Variants in TRAPPC6B observed in about 807,000 individuals in gnomAD.
The protein encoded by TRAPPC6B is TRAPP complex subunit 6B.
Under a neutral mutation model 24.7 loss-of-function variants are expected in TRAPPC6B, and 27 were observed. The observed-to-expected ratio is 1.09, with a 90% CI of 0.81 to 1.51. The LOEUF (loss-of-function observed/expected upper bound fraction) is 1.51, where lower values mean the gene tolerates loss of function less well. TRAPPC6B is among the 40% of genes most tolerant of loss of function. TRAPPC6B has a pLI of 0.00. For missense variants in TRAPPC6B, 212 were observed against 190.8 expected, an observed-to-expected ratio of 1.11 and a Z score of -0.66; for synonymous variants, 80 against 66.6, an observed-to-expected ratio of 1.20 and a Z score of -0.98.
At chr14:39,165,258 G>A (rs2053096741) in intron 1 of TRAPPC6B, among the ~76,000 whole-genome samples, 1 of 152,028 alleles carries the variant, frequency 6.6e-6, no homozygotes, top group Admixed American at 6.5e-5. Flanking sequence ...TGTTAGCCAG[G>A]ACGGTCTCGA....
At chr14:39,155,117 A>AG (rs1183977949) in intron 3 of TRAPPC6B, among the ~76,000 whole-genome samples, 1 of 152,000 alleles carries the variant, frequency 6.6e-6, no homozygotes, top group East Asian at 1.9e-4. Flanking sequence ...TTTTGTAGAA[A>AG]GGGGGTCTCC....
At chr14:39,166,610 G>A (rs759337177) in intron 1 of TRAPPC6B, among the ~76,000 whole-genome samples, 1 of 151,920 alleles carries the variant, frequency 6.6e-6, no homozygotes, top group Non-Finnish European at 1.5e-5. Flanking sequence ...AGACTATAAG[G>A]TTAGGCTTAT....
At chr14:39,152,564 A>C (rs913520495) in intron 4 of TRAPPC6B, among the ~76,000 whole-genome samples, 1 of 152,164 alleles carries the variant, frequency 6.6e-6, no homozygotes, top group Non-Finnish European at 1.5e-5. Context: ...AATATAAAAT[A>C]TTATCTTATA....
In TRAPPC6B at chr14:39,159,482, CCTTT is replaced by C; in HGVS notation, c.146_149del (p.Glu49GlyfsTer13). 6.3e-7 allele frequency: 1 copy of C among 1,586,948 alleles called. No individual in the cohort carries two copies. The highest frequency in any genetic ancestry group is 8.6e-7 in the Non-Finnish European group (1 of 1,165,888). ...AAAATTTTCAAATCCAACCTGCTCA[CCTTT>C]CTATCAATCCTTGTCCCACTCGAAA... On this transcript the variant is annotated frameshift_variant and splice_region_variant, in exon 2 of 6. Coordinates refer to ENST00000330149, the MANE Select transcript of TRAPPC6B (RefSeq NM_001079537.2). LOFTEE classifies it high-confidence loss of function.
chr14:39,158,669 A>G, intron 2 of TRAPPC6B: 1 of 322,084 alleles, frequency 3.1e-6, no homozygotes, highest in Non-Finnish European at 5.6e-6. Flanking sequence ...CCACAGGCAC[A>G]TGTCACCATG....
chr14:39,156,789 T>A (rs2052983609), intron 3 of TRAPPC6B: 2 of 152,142 alleles, frequency 1.3e-5, no homozygotes. Flanking sequence ...TGGCCCTTGG[T>A]GTCATGAAGA....
chr14:39,169,888 G>A (rs2053148995), intron 1 of TRAPPC6B, 127 bp downstream of exon 1: 7 of 802,750 alleles, frequency 8.7e-6, no homozygotes, highest in Non-Finnish European at 1.5e-5. Context: ...GACACCTGGA[G>A]GTGGACCATT....
intron 1 of TRAPPC6B, among the ~76,000 whole-genome samples, chr14:39,167,871 G>A (rs1196595914): frequency 6.8e-6 from 1 of 147,966 alleles, no homozygotes; most frequent in Admixed American, 6.7e-5. Context: ...TAACCCACGG[G>A]AAAAAAAAAA....
chr14:39,169,407 T>C (rs2053141933), intron 1 of TRAPPC6B, among the ~76,000 whole-genome samples: 1 of 152,210 alleles, frequency 6.6e-6, no homozygotes, highest in Non-Finnish European at 1.5e-5. Flanking sequence ...TCTACAAGGA[T>C]GGGGCCATTG....
intron 1 of TRAPPC6B, among the ~76,000 whole-genome samples, chr14:39,160,611 A>AGAGGG (rs369058906): frequency 0.027 from 3,890 of 141,604 alleles, 181 homozygotes; most frequent in African/African-American, 0.093. Flanking sequence ...AAAGAAAAGA[A>AGAGGG]GAGGGGAGGG....
chr14:39,168,535 A>AC (rs2053131822), intron 1 of TRAPPC6B, among the ~76,000 whole-genome samples: 1 of 127,256 alleles, frequency 7.9e-6, no homozygotes, highest in African/African-American at 2.6e-5. Flanking sequence ...AACTGGCAGT[A>AC]CCTTTTTTTG....
rs1166238367 is a variant in TRAPPC6B, at chr14:39,157,760, G to A, written c.267+525C>T. On this transcript the variant is annotated intron_variant, in intron 3 of 5. Coordinates refer to ENST00000330149, the MANE Select transcript of TRAPPC6B (RefSeq NM_001079537.2). ...TACGACAGACAAAACGAAATCCACT[G>A]TCACTGGGGAGGCAATGTCCTGGGT... The A allele has an allele frequency of 2.1e-5, 5 of 237,856 alleles. No individual in the cohort carries two copies. The East Asian group carries it at 4.2e-4, about 20-fold the overall frequency. The allele number at this position is 237,856 out of a possible 1,614,324, so 14.7% of individuals were successfully genotyped here. A position where few individuals can be genotyped will look rare whatever the true frequency, so the allele number is the denominator to read the frequency against.
chr14:39,150,025 T>C lies in TRAPPC6B; in HGVS notation c.*325A>G, dbSNP rs1234450484. ...TCTGTTGGTACATAATTTTCTCTCA[T>C]GCTAATTCAACAAACCCTGAGCTTT... On this transcript the variant is annotated 3_prime_UTR_variant, in exon 6 of 6. Transcript: ENST00000330149. 3 of 203,084 alleles carry C rather than the reference T, an allele frequency of 1.5e-5. No individual in the cohort carries two copies. Among genetic ancestry groups the C allele is most frequent in the Non-Finnish European group, 2.9e-5 (3 of 101,830 alleles). 12.6% of individuals were successfully genotyped at this position (203,084 alleles called of 1,614,324 possible).
chr14:39,162,753 C>G (rs2053071949), intron 1 of TRAPPC6B, among the ~76,000 whole-genome samples: 1 of 152,170 alleles, frequency 6.6e-6, no homozygotes, highest in Non-Finnish European at 1.5e-5. Flanking sequence ...CTTTCTTTGA[C>G]AATCTCATTC....
At chr14:39,153,422 G>A (rs747446200) in intron 4 of TRAPPC6B, among the ~76,000 whole-genome samples, 6 of 150,616 alleles carry the variant, frequency 4.0e-5, no homozygotes, top group Non-Finnish European at 7.4e-5. Flanking sequence ...GAGCCCAGGA[G>A]TTCAAGACGA....
intron 1 of TRAPPC6B, 146 bp from the exon 2 acceptor site, chr14:39,159,696 G>A (rs1594540076): frequency 2.0e-6 from 1 of 488,230 alleles, no homozygotes; most frequent in East Asian, 3.5e-5. Context: ...TGAATTATAA[G>A]GTTGATTTTA....
chr14:39,155,612 C>T (rs918107146), intron 3 of TRAPPC6B, among the ~76,000 whole-genome samples: 26 of 152,138 alleles, frequency 1.7e-4, no homozygotes, highest in Non-Finnish European at 2.9e-4. Context: ...TCTAGGCTCA[C>T]TGCAACCTCT....
chr14:39,157,216 C>G, intron 3 of TRAPPC6B: 2 of 342,524 alleles, frequency 5.8e-6, no homozygotes, highest in South Asian at 5.6e-5. Context: ...GGACCTCACT[C>G]ACTTTGTGAA....
chr14:39,153,652 T>C (rs533625771), intron 4 of TRAPPC6B, among the ~76,000 whole-genome samples: 2 of 151,442 alleles, frequency 1.3e-5, no homozygotes, highest in African/African-American at 4.8e-5. Flanking sequence ...AAAAGTGATC[T>C]ACCATACATC....
Sources: gnomAD v4.1 joint callset for allele counts (sites outside exome capture counted in the v4.1 genomes callset) on GRCh38, gnomAD v4.1.1 for gene constraint, MANE v1.5 for transcripts, NCBI Gene and HGNC (gene_info 2026-07-23, HGNC 2026-07-21) for gene names.